ERC2: variants seen among roughly 807,000 people sequenced by gnomAD.
ERC2 encodes ELKS/RAB6-interacting/CAST family member 2, also known as ERC protein 2.
ERC2 carries 42 observed loss-of-function variants against 114.8 expected under a neutral mutation model. The observed-to-expected ratio is 0.37, with a 90% CI of 0.29 to 0.47. ERC2 has a LOEUF of 0.47. Among genes scored for constraint, ERC2 ranks in the 20% least tolerant of loss-of-function variants. The probability of loss-of-function intolerance (pLI) is 0.99; values close to 1 mark genes in which losing one functional copy is unlikely to be tolerated. For missense variants in ERC2, 939 were observed against 1,150.7 expected, an observed-to-expected ratio of 0.82 and a Z score of 2.66; for synonymous variants, 454 against 425.5, an observed-to-expected ratio of 1.07 and a Z score of -0.82.
chr3:56,324,468 A>C (rs2057267097), intron 2 of ERC2, among the ~76,000 whole-genome samples: 1 of 152,204 alleles, frequency 6.6e-6, no homozygotes, highest in Non-Finnish European at 1.5e-5. Context: ...AGCCTATCTC[A>C]AACGTGCTCA....
At chr3:56,467,988 G>C (rs1487379755) in intron 1 of ERC2, among the ~76,000 whole-genome samples, 15 of 152,188 alleles carry the variant, frequency 9.9e-5, no homozygotes, top group Admixed American at 9.1e-4. Context: ...AGCGAGCGGC[G>C]CCCGCGCGCT....
intron 2 of ERC2, among the ~76,000 whole-genome samples, chr3:56,369,674 A>C (rs1168050358): frequency 6.6e-6 from 1 of 151,396 alleles, no homozygotes; most frequent in Non-Finnish European, 1.5e-5. Context: ...CACCTACTGG[A>C]TACTACTTTT....
At chr3:55,895,707 T>C (rs968653531) in intron 13 of ERC2, among the ~76,000 whole-genome samples, 5 of 152,150 alleles carry the variant, frequency 3.3e-5, no homozygotes, top group African/African-American at 1.2e-4. Context: ...TAAATACCTA[T>C]GCAATGGGAG....
Position 56,254,661 on chromosome 3 carries a change from A to T in ERC2, c.1074+41358T>A, listed in dbSNP as rs563524778. On this transcript the variant is annotated intron_variant, in intron 3 of 17. Coordinates refer to ENST00000288221, the MANE Select transcript of ERC2 (RefSeq NM_015576.3). ...GTCCCGGGCCGGGATCTGAAAGCCC[A>T]AAATGAATGTTGAATCAGTAACTCC... is the stretch of plus-strand genomic sequence containing the variant. Among the ~76,000 whole-genome samples the T allele has an allele frequency of 6.0e-4, 92 of 152,372 alleles. 2 individuals are homozygous for T. In the South Asian group the frequency reaches 0.018, roughly 30 times the overall value.
chr3:55,744,248 C>CA (rs538743117), intron 14 of ERC2, among the ~76,000 whole-genome samples: 58 of 152,060 alleles, frequency 3.8e-4, no homozygotes, highest in African/African-American at 1.3e-3. Flanking sequence ...ACTAAAAATA[C>CA]AAAAAATTAG....
chr3:56,340,936 A>G (rs146691439), intron 2 of ERC2, among the ~76,000 whole-genome samples: 245 of 152,284 alleles, frequency 1.6e-3, no homozygotes, highest in African/African-American at 5.2e-3. Context: ...TTCAAAAGAA[A>G]AAAAAAGTAT....
At chr3:55,652,889 A>T (rs960443247) in intron 17 of ERC2, among the ~76,000 whole-genome samples, 1 of 150,996 alleles carries the variant, frequency 6.6e-6, no homozygotes. Context: ...AAAAACCAAT[A>T]CATGTTATTG....
chr3:55,669,588 A>G (rs2061480179), intron 17 of ERC2, among the ~76,000 whole-genome samples: 1 of 152,236 alleles, frequency 6.6e-6, no homozygotes. Context: ...ATTTCTTGTA[A>G]TGGCTGAAAA....
chr3:55,913,370 AT>A (rs1359410480), intron 13 of ERC2, among the ~76,000 whole-genome samples: 3 of 152,068 alleles, frequency 2.0e-5, no homozygotes, highest in South Asian at 4.1e-4. Flanking sequence ...ATATCTAAAT[AT>A]TTTCTTTGCC....
rs1020659732 is a variant in ERC2 at position 55,966,542 on chromosome 3, C to T, written c.2268-15982G>A. Reference sequence around the variant, plus strand: ...GTATATACACCTCATTTAATCCTCACGACAATCTTATGACATAGATATTAC... The same window carrying T: ...GTATATACACCTCATTTAATCCTCATGACAATCTTATGACATAGATATTAC... On this transcript the variant is annotated intron_variant, in intron 12 of 17. Transcript: ENST00000288221. Among the ~76,000 whole-genome samples the T allele has an allele frequency of 2.3e-4, 35 of 152,094 alleles. 1 individual carries two copies. Among genetic ancestry groups the T allele is most frequent in the Admixed American group, 1.6e-3 (25 of 15,254 alleles).
chr3:55,952,172 C>CTATATAT (rs1559922574), intron 12 of ERC2, among the ~76,000 whole-genome samples: 4 of 58,940 alleles, frequency 6.8e-5, no homozygotes, highest in African/African-American at 2.1e-4. Flanking sequence ...CACACACACA[C>CTATATAT]ACACACACTC....
chr3:56,313,313 C>T (rs1576391968), intron 2 of ERC2, among the ~76,000 whole-genome samples: 1 of 151,628 alleles, frequency 6.6e-6, no homozygotes, highest in East Asian at 1.9e-4. Flanking sequence ...CTAAAAATCA[C>T]TGAATTGTAC....
intron 13 of ERC2, among the ~76,000 whole-genome samples, chr3:55,902,245 T>C (rs189833717): frequency 3.5e-4 from 54 of 152,234 alleles, no homozygotes; most frequent in African/African-American, 1.3e-3. Flanking sequence ...GAATGAAGTC[T>C]TCCGCTTCAA....
In ERC2 at chr3:55,967,022, G is replaced by A. The variant is rs533157100; in HGVS notation, c.2268-16462C>T. On this transcript the variant is annotated intron_variant, in intron 12 of 17. Transcript: ENST00000288221. Reference sequence around the variant, plus strand: ...TGTAGGCTCTGCCTTCTGTATAACAGAGACATTGCAAAGACTAAAAACTAT... The same window carrying A: ...TGTAGGCTCTGCCTTCTGTATAACAAAGACATTGCAAAGACTAAAAACTAT... Among the ~76,000 whole-genome samples, 6 of 152,294 alleles carry A rather than the reference G, an allele frequency of 3.9e-5. No individual in the cohort carries two copies. The East Asian group carries it at 1.2e-3, about 29-fold the overall frequency.
chr3:56,347,747 A>G (rs1201895053), intron 2 of ERC2, among the ~76,000 whole-genome samples: 1 of 152,144 alleles, frequency 6.6e-6, no homozygotes, highest in Non-Finnish European at 1.5e-5. Context: ...ATATAAGTTC[A>G]GCCCCACTTG....
At chr3:55,556,970 T>C (rs2107457768) in intron 17 of ERC2, among the ~76,000 whole-genome samples, 1 of 152,338 alleles carries the variant, frequency 6.6e-6, no homozygotes, top group Middle Eastern at 3.4e-3. Context: ...CACTGCACTC[T>C]GTTCACTATG....
intron 2 of ERC2, among the ~76,000 whole-genome samples, chr3:56,369,660 T>C (rs1437671232): frequency 6.6e-6 from 1 of 152,012 alleles, no homozygotes; most frequent in Non-Finnish European, 1.5e-5. Context: ...TGTATCTCCA[T>C]GAGCACCTAC....
intron 17 of ERC2, among the ~76,000 whole-genome samples, chr3:55,677,931 T>A (rs1335556806): frequency 1.3e-5 from 2 of 152,200 alleles, no homozygotes; most frequent in African/African-American, 4.8e-5. Flanking sequence ...CTTGACTCAG[T>A]ACTGAGATGT....
At chr3:56,052,187 T>C (rs2075803977) in intron 7 of ERC2, among the ~76,000 whole-genome samples, 1 of 152,214 alleles carries the variant, frequency 6.6e-6, no homozygotes, top group African/African-American at 2.4e-5. Context: ...TATGGGTAGC[T>C]TAACAGTCAT....
Sources: gnomAD v4.1 joint callset for allele counts (sites outside exome capture counted in the v4.1 genomes callset) on GRCh38, gnomAD v4.1.1 for gene constraint, MANE v1.5 for transcripts, NCBI Gene and HGNC (gene_info 2026-07-23, HGNC 2026-07-21) for gene names.